Variants in GARS1 observed in about 807,000 individuals in gnomAD.
GARS1 encodes glycine--tRNA ligase.
Under a neutral mutation model 86.4 loss-of-function variants are expected in GARS1, and 46 were observed. That is an observed-to-expected ratio of 0.53 (90% CI 0.42 to 0.68). GARS1 has a LOEUF of 0.68. GARS1 is among the 30% of genes least tolerant of loss of function. GARS1 has a pLI of 0.00. For synonymous variants in GARS1, 342 were observed against 329.8 expected (o/e 1.04, Z -0.40); for missense variants, 797 against 915.6 (o/e 0.87, Z 1.67).
intron 4 of GARS1, among the ~76,000 whole-genome samples, chr7:30,602,452 T>C (rs988075401): frequency 1.3e-5 from 2 of 152,238 alleles, no homozygotes; most frequent in Non-Finnish European, 1.5e-5. Context: ...TAATTTTTAC[T>C]ATTGGCATCC....
rs553571025 is a variant in GARS1, at chr7:30,596,497, A to C, written c.222+1354A>C. Among the ~76,000 whole-genome samples the C allele has an allele frequency of 7.3e-4, 111 of 151,570 alleles. No homozygotes were observed. In the South Asian group the frequency reaches 0.02, roughly 28 times the overall value. On this transcript the variant is annotated intron_variant, in intron 1 of 16. Transcript: ENST00000389266. ...ACAACTAATTTGGAGAAAAAAAAAA[A>C]CCACCACACCCAAACCCCTCCCTCT...
intron 6 of GARS1, among the ~76,000 whole-genome samples, chr7:30,606,981 T>C (rs889338276): frequency 1.3e-5 from 2 of 152,260 alleles, no homozygotes; most frequent in Non-Finnish European, 2.9e-5. Context: ...TAATGATTGA[T>C]GTGCCTTATC....
chr7:30,622,656 T>TTG, intron 12 of GARS1, 194 bp downstream of exon 12: 1 of 614,330 alleles, frequency 1.6e-6, no homozygotes, highest in South Asian at 1.9e-5. Context: ...TATACTTTTT[T>TTG]TTTTTCCTAG....
chr7:30,629,087 A>C (rs540399889), intron 14 of GARS1, among the ~76,000 whole-genome samples: 1 of 152,302 alleles, frequency 6.6e-6, no homozygotes, highest in East Asian at 1.9e-4. Flanking sequence ...CTCAAACTGC[A>C]TGAAATTGTC....
In GARS1 at chr7:30,609,648, A is replaced by G. The variant is rs1340331133; in HGVS notation, c.799A>G (p.Ile267Val). The G allele has an allele frequency of 2.5e-6, 4 of 1,612,822 alleles. No homozygotes were observed. The highest frequency in any genetic ancestry group is 1.7e-6 in the Non-Finnish European group (2 of 1,178,858). ...LFVNYNVKSP[I>V]TGNDLSPPVS... ...TGTGAACTATAATGTAAAATCTCCCATTACTGGAAATGATCTATCCCCTCC... is the reference window on the plus strand; with the variant it reads ...TGTGAACTATAATGTAAAATCTCCCGTTACTGGAAATGATCTATCCCCTCC... Residue 267 changes from isoleucine (I) to valine (V), a missense_variant, in exon 7 of 17, where the codon ATT becomes GTT. Transcript: ENST00000389266.
At chr7:30,618,197 C>T (rs1782928976) in intron 10 of GARS1, among the ~76,000 whole-genome samples, 1 of 152,058 alleles carries the variant, frequency 6.6e-6, no homozygotes, top group Non-Finnish European at 1.5e-5. Context: ...AGTTATATGC[C>T]TCTCCCCAGG....
At chr7:30,612,943 C>T (rs1439372708) in intron 8 of GARS1, among the ~76,000 whole-genome samples, 1 of 152,128 alleles carries the variant, frequency 6.6e-6, no homozygotes, top group African/African-American at 2.4e-5. Flanking sequence ...ATACGTTATT[C>T]CTGGTATCAT....
chr7:30,614,871 CAAAAA>C (rs60532382), intron 8 of GARS1, among the ~76,000 whole-genome samples: 1 of 81,570 alleles, frequency 1.2e-5, no homozygotes, highest in Admixed American at 1.4e-4. Context: ...GACTCCGTCT[CAAAAA>C]AAAAAAAAAA....
At chr7:30,604,314 T>C (rs576588186) in intron 6 of GARS1, among the ~76,000 whole-genome samples, 69 of 152,322 alleles carry the variant, frequency 4.5e-4, no homozygotes, top group African/African-American at 1.5e-3. Context: ...AGTACATTTC[T>C]CCAACACCAT....
At chr7:30,609,547 CTCTG>C (rs773599106) in intron 6 of GARS1, 34 bp from the exon 7 acceptor site, 6 of 1,574,502 alleles carry the variant, frequency 3.8e-6, no homozygotes, top group South Asian at 2.2e-5. Context: ...GCCTTGTTTT[CTCTG>C]TCTTTTACAC....
At chr7:30,625,213 G>T (rs552905287) in intron 12 of GARS1, among the ~76,000 whole-genome samples, 22 of 152,250 alleles carry the variant, frequency 1.4e-4, no homozygotes, top group African/African-American at 5.1e-4. Flanking sequence ...CAAAGTGCTG[G>T]GATTACAGGT....
rs940036343 is a variant in GARS1, at chr7:30,632,034, A to G, written c.1904-213A>G. On this transcript the variant is annotated intron_variant, in intron 15 of 16. Coordinates refer to ENST00000389266, the MANE Select transcript of GARS1 (RefSeq NM_002047.4). This position sits in a 1 kb window ranked among gnomAD's most constrained non-coding sequence, Gnocchi z 4.1. ...TCTTGGTCCCATATTTGTTCCCCCT[A>G]TAGCTGTATCAGATGGAGGTATGAG... 7.0e-6 allele frequency: 4 copies of G among 570,652 alleles called. No individual in the cohort carries two copies. Among genetic ancestry groups the G allele is most frequent in the Non-Finnish European group, 1.3e-5 (4 of 318,258 alleles). The allele number at this position is 570,652 out of a possible 1,614,324, so 35.3% of individuals were successfully genotyped here. A position where few individuals can be genotyped will look rare whatever the true frequency, so the allele number is the denominator to read the frequency against.
intron 2 of GARS1, among the ~76,000 whole-genome samples, chr7:30,599,587 G>C (rs1791332842): frequency 6.6e-6 from 1 of 152,140 alleles, no homozygotes; most frequent in South Asian, 2.1e-4. Flanking sequence ...ATTTTTAGTA[G>C]AGACAGTGTT....
chr7:30,610,190 G>A (rs965954175), intron 7 of GARS1, among the ~76,000 whole-genome samples: 1 of 152,232 alleles, frequency 6.6e-6, no homozygotes, highest in Non-Finnish European at 1.5e-5. Flanking sequence ...AATGGGTCCA[G>A]TTCTTCTGAG....
At chr7:30,628,711 TAAAA>T in intron 14 of GARS1, 42 bp downstream of exon 14, 5 of 1,373,444 alleles carry the variant, frequency 3.6e-6, no homozygotes, top group Non-Finnish European at 5.2e-6. Flanking sequence ...TGTCAGAAAA[TAAAA>T]ATTTTCTGAA....
intron 1 of GARS1, among the ~76,000 whole-genome samples, chr7:30,595,617 T>TC (rs1433765921): frequency 1.1e-4 from 16 of 152,234 alleles, no homozygotes; most frequent in African/African-American, 3.4e-4. Context: ...GCCGGTTCTT[T>TC]CGTCTTACGG....
At chr7:30,612,323 C>A (rs1782776638) in intron 8 of GARS1, 78 bp downstream of exon 8, 1 of 1,246,302 alleles carries the variant, frequency 8.0e-7, no homozygotes, top group Non-Finnish European at 1.2e-6. Context: ...TGTTTTGAAG[C>A]AATTCTGCTT....
At chr7:30,596,353 A>G (rs1791245819) in intron 1 of GARS1, among the ~76,000 whole-genome samples, 1 of 152,222 alleles carries the variant, frequency 6.6e-6, no homozygotes, top group African/African-American at 2.4e-5. Context: ...CAGAACACCG[A>G]TTGCATATTC....
intron 14 of GARS1, among the ~76,000 whole-genome samples, chr7:30,629,319 T>C (rs989018112): frequency 6.6e-6 from 1 of 152,206 alleles, no homozygotes; most frequent in Admixed American, 6.5e-5. Flanking sequence ...TTATAAGAAG[T>C]CTTCATCAGC....
Sources: allele counts gnomAD v4.1 joint callset (sites outside exome capture counted in the v4.1 genomes callset), GRCh38; gene constraint gnomAD v4.1.1; non-coding constraint Gnocchi (gnomAD v3.1); transcripts MANE v1.5; gene names NCBI Gene and HGNC (gene_info 2026-07-23, HGNC 2026-07-21).